ACOXL: variants seen among roughly 807,000 people sequenced by gnomAD.
ACOXL encodes acyl-coenzyme A oxidase-like protein.
A neutral mutation model predicts 71.9 loss-of-function variants in ACOXL; 70 were observed. The observed-to-expected ratio is 0.97, with a 90% CI of 0.80 to 1.19. The LOEUF is 1.19. ACOXL is among the 50% of genes most tolerant of loss of function. ACOXL has a pLI of 0.00. For synonymous variants in ACOXL, 253 were observed against 281.6 expected, an observed-to-expected ratio of 0.90 and a Z score of 1.02; for missense variants, 703 against 736.3, an observed-to-expected ratio of 0.95 and a Z score of 0.52.
chr2:110,952,569 G>A (rs990274648), intron 12 of ACOXL, among the ~76,000 whole-genome samples: 1 of 152,078 alleles, frequency 6.6e-6, no homozygotes, highest in African/African-American at 2.4e-5. Flanking sequence ...AGCCTCCCAA[G>A]TAGCGTAGCT....
At chr2:111,028,853 CAT>C (rs2065135107) in intron 14 of ACOXL, among the ~76,000 whole-genome samples, 1 of 152,142 alleles carries the variant, frequency 6.6e-6, no homozygotes, top group Non-Finnish European at 1.5e-5. Context: ...CATGTGTGAT[CAT>C]CCATCTTTAT....
rs921887581 is a variant in ACOXL at position 110,807,369 on chromosome 2, GGTT to G, written c.753+1987_753+1989del. On this transcript the variant is annotated intron_variant, in intron 9 of 17. Transcript: ENST00000439055. ...AGCTGACAGCTGTTATTTGTGTGATGGTTGTTGTTGTTGTTTTTGTTGCTGCTG... is the reference window on the plus strand; with the variant it reads ...AGCTGACAGCTGTTATTTGTGTGATGGTTGTTGTTGTTTTTGTTGCTGCTG... 2.2e-4 allele frequency among the ~76,000 whole-genome samples: 34 copies of G among 152,300 alleles called. No individual in the cohort carries two copies. The South Asian group carries it at 4.6e-3, about 20-fold the overall frequency.
intron 12 of ACOXL, among the ~76,000 whole-genome samples, chr2:110,958,049 CAAAA>C (rs35899146): frequency 3.1e-5 from 3 of 96,112 alleles, no homozygotes; most frequent in Non-Finnish European, 4.1e-5. Context: ...GACTCCGTCT[CAAAA>C]AAAAAAAAAA....
chr2:111,077,425 A>G (rs907341782), intron 16 of ACOXL, among the ~76,000 whole-genome samples: 5 of 152,184 alleles, frequency 3.3e-5, no homozygotes, highest in African/African-American at 1.2e-4. Context: ...TTTTGCTTTC[A>G]AATTTTGCTT....
chr2:111,115,467 T>C (rs2070283877), intron 17 of ACOXL: 1 of 152,204 alleles, frequency 6.6e-6, no homozygotes, highest in Non-Finnish European at 1.5e-5. Context: ...TGTGTACCAT[T>C]AAACCTCTAA....
rs181637656 is a variant in ACOXL at position 111,101,372 on chromosome 2, T to C, written c.1542+8406T>C. 6.6e-5 allele frequency: 10 copies of C among 152,290 alleles called. No homozygotes were observed. In the East Asian group the frequency reaches 1.9e-3, roughly 29 times the overall value. 9.4% of individuals were successfully genotyped at this position (152,290 alleles called of 1,614,324 possible). On this transcript the variant is annotated intron_variant, in intron 17 of 17. Transcript: ENST00000439055. ...CCATACCCGCCGGGCTTAGAAACAG[T>C]ACATGTGCCCTGAACTTCCTACAAA...
chr2:110,780,083 G>A (rs1019476028), intron 2 of ACOXL, among the ~76,000 whole-genome samples: 2 of 152,148 alleles, frequency 1.3e-5, no homozygotes, highest in Admixed American at 1.3e-4. Context: ...CAGATATAAA[G>A]GATTTGTTCC....
chr2:111,044,478 G>A (rs929306992), intron 15 of ACOXL, among the ~76,000 whole-genome samples: 5 of 152,220 alleles, frequency 3.3e-5, no homozygotes, highest in African/African-American at 1.2e-4. Context: ...CCCTATTATC[G>A]AGGGCCCTGG....
At chr2:111,043,685 T>A (rs563876017) in intron 15 of ACOXL, among the ~76,000 whole-genome samples, 1 of 152,114 alleles carries the variant, frequency 6.6e-6, no homozygotes, top group South Asian at 2.1e-4. Flanking sequence ...GCCCTCTACT[T>A]CTGGTGCCAG....
At chr2:110,884,562 C>T (rs1244723158) in intron 10 of ACOXL, among the ~76,000 whole-genome samples, 1 of 152,122 alleles carries the variant, frequency 6.6e-6, no homozygotes, top group Admixed American at 6.5e-5. Flanking sequence ...AACTGAGCTA[C>T]AGAAGAGTAG....
chr2:111,087,956 A>C (rs527973945), intron 16 of ACOXL, among the ~76,000 whole-genome samples: 1 of 152,218 alleles, frequency 6.6e-6, no homozygotes, highest in African/African-American at 2.4e-5. Context: ...AGACAAAAAC[A>C]AACAACCCCA....
At chr2:110,936,022 G>A (rs369690132) in intron 12 of ACOXL, among the ~76,000 whole-genome samples, 1 of 152,110 alleles carries the variant, frequency 6.6e-6, no homozygotes, top group African/African-American at 2.4e-5. Flanking sequence ...CTGACAGGAG[G>A]TGGAGCTCAG....
In ACOXL at chr2:111,096,224, A is replaced by AATT. The variant is rs67800488; in HGVS notation, c.1542+3286_1542+3288dup. On this transcript the variant is annotated intron_variant, in intron 17 of 17. Transcript: ENST00000439055. Reference sequence around the variant, plus strand: ...CAATTGTTAGAATTTTTATTTTTAAAATTATTATTATTATTATTATTATTA... The same window carrying AATT: ...CAATTGTTAGAATTTTTATTTTTAAAATTATTATTATTATTATTATTATTATTA... Among the ~76,000 whole-genome samples the AATT allele has an allele frequency of 9.2e-3, 1,343 of 145,254 alleles. 7 individuals carry two copies. The highest frequency in any genetic ancestry group is 0.015 in the African/African-American group (579 of 39,508).
intron 1 of ACOXL, among the ~76,000 whole-genome samples, chr2:110,747,834 T>C (rs1333323008): frequency 6.6e-6 from 1 of 152,204 alleles, no homozygotes; most frequent in Non-Finnish European, 1.5e-5. Context: ...TTTCTCCCTT[T>C]ACTTCCTGTC....
intron 8 of ACOXL, among the ~76,000 whole-genome samples, chr2:110,802,953 A>T (rs1415601305): frequency 1.3e-5 from 2 of 152,222 alleles, no homozygotes; most frequent in East Asian, 1.9e-4. Flanking sequence ...ATTATTATAC[A>T]ATATATAATG....
chr2:110,930,799 G>A (rs1050721658), intron 11 of ACOXL, among the ~76,000 whole-genome samples: 5 of 152,166 alleles, frequency 3.3e-5, no homozygotes, highest in African/African-American at 1.2e-4. Context: ...CTTTCATTCT[G>A]TCTCTTGCCT....
chr2:110,988,219 C>T (rs1277250410), intron 13 of ACOXL, among the ~76,000 whole-genome samples: 8 of 152,214 alleles, frequency 5.3e-5, no homozygotes, highest in Admixed American at 4.6e-4. Flanking sequence ...AGAAGGATTG[C>T]TCAAGCCCAG....
intron 9 of ACOXL, among the ~76,000 whole-genome samples, chr2:110,821,933 TTGTG>T (rs372084892): frequency 3.3e-5 from 5 of 150,728 alleles, no homozygotes; most frequent in Non-Finnish European, 5.9e-5. Flanking sequence ...TCTTCTATCA[TTGTG>T]TGTGTGTGTG....
intron 16 of ACOXL, among the ~76,000 whole-genome samples, chr2:111,085,394 G>A (rs1442953556): frequency 1.3e-5 from 2 of 152,126 alleles, no homozygotes; most frequent in African/African-American, 4.8e-5. Flanking sequence ...GGACCACAGA[G>A]CAATAAAAGT....
Sources: gnomAD v4.1 joint callset for allele counts (sites outside exome capture counted in the v4.1 genomes callset) on GRCh38, gnomAD v4.1.1 for gene constraint, MANE v1.5 for transcripts, NCBI Gene and HGNC (gene_info 2026-07-23, HGNC 2026-07-21) for gene names.